PIGU: variants seen among roughly 807,000 people sequenced by gnomAD.
PIGU encodes phosphatidylinositol glycan anchor biosynthesis class U.
Under a neutral mutation model 49.9 loss-of-function variants are expected in PIGU, and 24 were observed. That is an observed-to-expected ratio of 0.48 (90% CI 0.35 to 0.68). The LOEUF (loss-of-function observed/expected upper bound fraction) is 0.68. PIGU is among the 30% of genes least tolerant of loss of function. The pLI is 0.01. For synonymous variants in PIGU, 220 were observed against 205.7 expected (o/e 1.07, Z -0.59); for missense variants, 490 against 532.6 (o/e 0.92, Z 0.79).
Position 34,574,586 on chromosome 20 carries a change from A to G in PIGU, c.1194+518T>C, listed in dbSNP as rs550136696. Among the ~76,000 whole-genome samples the G allele has an allele frequency of 2.7e-3, 403 of 151,912 alleles. 1 individual carries two copies. The highest frequency in any genetic ancestry group is 6.8e-3 in the Middle Eastern group (2 of 292). ...CACACAATTTATGCTCAACTCCCCA[A>G]CAGCCAGACCGGCCCCCTTCTCCTC... On this transcript the variant is annotated intron_variant, in intron 11 of 11. Transcript: ENST00000217446.
chr20:34,569,687 A>G (rs1041406137), intron 11 of PIGU, among the ~76,000 whole-genome samples: 4 of 152,216 alleles, frequency 2.6e-5, no homozygotes, highest in African/African-American at 9.6e-5. Flanking sequence ...GACTAGCCAG[A>G]GGCCCAAATC....
At chr20:34,630,564 C>A (rs1985669733) in intron 6 of PIGU, among the ~76,000 whole-genome samples, 2 of 152,326 alleles carry the variant, frequency 1.3e-5, no homozygotes, top group South Asian at 4.1e-4. Context: ...CTGCCTGATT[C>A]CCTGTACAGT....
rs1985741923 is a variant in PIGU, at chr20:34,631,750, T to C, written c.529+2865A>G. ...ATATATATATATATATATATATATA[T>C]ATATATATATATATATATATATATA... On this transcript the variant is annotated intron_variant, in intron 6 of 11. Transcript: ENST00000217446. 2.2e-3 allele frequency among the ~76,000 whole-genome samples: 7 copies of C among 3,252 alleles called. 1 individual carries two copies. The highest frequency in any genetic ancestry group is 0.011 in the African/African-American group (7 of 658). The allele number at this position is 3,252 out of a possible 152,430, so 2.1% of individuals were successfully genotyped here.
intron 7 of PIGU, among the ~76,000 whole-genome samples, chr20:34,605,457 T>C (rs920984366): frequency 6.6e-6 from 1 of 152,208 alleles, no homozygotes; most frequent in African/African-American, 2.4e-5. Context: ...AGATGAATTA[T>C]TTTCTTTTCC....
chr20:34,585,492 A>G lies in PIGU; in HGVS notation c.871T>C (p.Cys291Arg), dbSNP rs971276062. 6.2e-7 allele frequency: 1 copy of G among 1,613,950 alleles called. No individual in the cohort carries two copies. The highest frequency in any genetic ancestry group is 8.5e-7 in the Non-Finnish European group (1 of 1,179,744). ...MFEHFSLFFV[C>R]VFQINVFFYT... ...AAGAAGACGTTGATCTGAAACACACATACAAAGAAGAGGCTGAAGTGCTCA... is the reference window on the plus strand; with the variant it reads ...AAGAAGACGTTGATCTGAAACACACGTACAAAGAAGAGGCTGAAGTGCTCA... The change falls in exon 9 of 12, where the codon TGT becomes CGT. Residue 291 changes from cysteine to arginine, a missense_variant. By Grantham distance (180) the Cys-to-Arg change is radical. Coordinates refer to ENST00000217446, the MANE Select transcript of PIGU (RefSeq NM_080476.5).
rs1350958721 is a variant in PIGU at position 34,588,413 on chromosome 20, C to G, written c.782+40G>C. The G allele has an allele frequency of 1.9e-6, 3 of 1,579,372 alleles. No individual in the cohort carries two copies. In the Admixed American group the frequency reaches 5.3e-5, roughly 28 times the overall value. On this transcript the variant is annotated intron_variant, in intron 8 of 11. Coordinates refer to ENST00000217446, the MANE Select transcript of PIGU (RefSeq NM_080476.5). ...AACAGTATACAAGGGTTCCCTTTTC[C>G]CCACAGCTTCTAGAATTTTCTAACG...
intron 7 of PIGU, among the ~76,000 whole-genome samples, chr20:34,611,668 C>CAAAAAAAAAAAAAAAAAAA (rs149027105): frequency 9.4e-6 from 1 of 106,478 alleles, no homozygotes; most frequent in Admixed American, 1.0e-4. Context: ...AAAAAAAAGA[C>CAAAAAAAAAAAAAAAAAAA]AAAAAAAAAA....
intron 10 of PIGU, among the ~76,000 whole-genome samples, chr20:34,580,128 G>C (rs933159654): frequency 1.3e-5 from 2 of 152,218 alleles, no homozygotes; most frequent in Admixed American, 6.5e-5. Context: ...GAGAGAGAAA[G>C]AGTGCCCAGT....
At chr20:34,590,947 G>A (rs6088531) in intron 7 of PIGU, among the ~76,000 whole-genome samples, 1 of 151,932 alleles carries the variant, frequency 6.6e-6, no homozygotes, top group Non-Finnish European at 1.5e-5. Context: ...CGTGAACCCA[G>A]GAGGCAGAGC....
intron 1 of PIGU, among the ~76,000 whole-genome samples, chr20:34,672,868 A>T (rs1477577133): frequency 1.3e-5 from 2 of 150,724 alleles, no homozygotes; most frequent in African/African-American, 2.4e-5. Flanking sequence ...AAAAAAAAAA[A>T]AAAAAAAAAA....
Position 34,588,491 on chromosome 20 carries a change from G to A in PIGU, c.744C>T (p.Leu248=), listed in dbSNP as rs768245054. The A allele has an allele frequency of 2.5e-6, 4 of 1,614,012 alleles. No individual in the cohort carries two copies. Among genetic ancestry groups the A allele is most frequent in the Non-Finnish European group, 3.4e-6 (4 of 1,179,872 alleles). ...CTGCGGGGATGAAATCCCAAGAGCTGAGAAGGAAGAAGGAGAGGCAAATGA... is the reference window on the plus strand; with the variant it reads ...CTGCGGGGATGAAATCCCAAGAGCTAAGAAGGAAGAAGGAGAGGCAAATGA... ...VVIICLSFFL[L]SSWDFIPAVY... Residue 248 remains leucine (L), a synonymous_variant, in exon 8 of 12, where the codon CTC becomes CTT. Coordinates refer to ENST00000217446, the MANE Select transcript of PIGU (RefSeq NM_080476.5).
At position 34,658,144 on chromosome 20, in the gene PIGU, C is replaced by T. The variant is rs887842021; in HGVS notation, c.131-900G>A. ...AGTGCCTGCGATTGCAGGCGCGCGC[C>T]GCCACGCCTGACTGGTTTTCGTATT... On this transcript the variant is annotated intron_variant, in intron 1 of 11. Coordinates refer to ENST00000217446, the MANE Select transcript of PIGU (RefSeq NM_080476.5). Among the ~76,000 whole-genome samples, 761 of 152,250 alleles carry T rather than the reference C, an allele frequency of 5.0e-3. 3 individuals carry two copies. Among genetic ancestry groups the T allele is most frequent in the Middle Eastern group, 0.01 (3 of 294 alleles).
rs1356029825 is a variant in PIGU, at chr20:34,622,367, A to T, written c.530-6228T>A. 2.0e-5 allele frequency among the ~76,000 whole-genome samples: 3 copies of T among 151,918 alleles called. No individual in the cohort carries two copies. The South Asian group carries it at 6.2e-4, about 32-fold the overall frequency. On this transcript the variant is annotated intron_variant, in intron 6 of 11. Coordinates refer to ENST00000217446, the MANE Select transcript of PIGU (RefSeq NM_080476.5). ...CCCCATCTCTACTAAAAATACAAAAATTAGCCGGATGTGGTGGCGGGCGCA... is the reference window on the plus strand; with the variant it reads ...CCCCATCTCTACTAAAAATACAAAATTTAGCCGGATGTGGTGGCGGGCGCA...
chr20:34,622,621 T>G (rs1328468239), intron 6 of PIGU, among the ~76,000 whole-genome samples: 1 of 152,134 alleles, frequency 6.6e-6, no homozygotes, highest in Non-Finnish European at 1.5e-5. Flanking sequence ...CAAAAACATC[T>G]ACCTACAGGC....
chr20:34,651,694 C>A (rs534060288), intron 2 of PIGU, among the ~76,000 whole-genome samples: 1 of 152,302 alleles, frequency 6.6e-6, no homozygotes, highest in African/African-American at 2.4e-5. Flanking sequence ...CTTCCCATCA[C>A]TAAACCATAT....
chr20:34,610,013 G>T (rs1270851883), intron 7 of PIGU, among the ~76,000 whole-genome samples: 3 of 152,084 alleles, frequency 2.0e-5, no homozygotes, highest in African/African-American at 7.2e-5. Context: ...GGCTATATTT[G>T]TAAGTTTCCT....
chr20:34,657,157 G>A, intron 2 of PIGU, 23 bp downstream of exon 2: 1 of 1,578,428 alleles, frequency 6.3e-7, no homozygotes, highest in South Asian at 1.1e-5. Context: ...TTGGTACCCA[G>A]AAAAGAAAAT....
chr20:34,660,920 C>T (rs183347232), intron 1 of PIGU, among the ~76,000 whole-genome samples: 5 of 152,208 alleles, frequency 3.3e-5, no homozygotes, highest in Non-Finnish European at 7.4e-5. Context: ...TGTTAATTTT[C>T]TGGTTTAGGT....
chr20:34,598,705 G>A (rs1232413239), intron 7 of PIGU, among the ~76,000 whole-genome samples: 2 of 152,184 alleles, frequency 1.3e-5, no homozygotes, highest in Non-Finnish European at 2.9e-5. Context: ...CCAGAGGCAG[G>A]GTTCTGTTGC....
Sources: gnomAD v4.1 joint callset for allele counts (sites outside exome capture counted in the v4.1 genomes callset) on GRCh38, gnomAD v4.1.1 for gene constraint, MANE v1.5 for transcripts, NCBI Gene and HGNC (gene_info 2026-07-23, HGNC 2026-07-21) for gene names.